Variants in CNTNAP5 observed in about 807,000 individuals in gnomAD.
The protein encoded by CNTNAP5 is contactin-associated protein-like 5.
In CNTNAP5, 72 loss-of-function variants were observed where a neutral mutation model predicts 150.2. The ratio of observed to expected loss-of-function variants is 0.48; its 90% confidence interval spans 0.40 to 0.58. The LOEUF (loss-of-function observed/expected upper bound fraction) is 0.58. CNTNAP5 is among the 20% of genes least tolerant of loss of function. The pLI is 0.00. For missense variants in CNTNAP5, 1,636 were observed against 1,626.2 expected (o/e 1.01, Z -0.10); for synonymous variants, 672 against 619.8 (o/e 1.08, Z -1.25).
At chr2:124,588,999 A>C (rs1696617776) in intron 11 of CNTNAP5, among the ~76,000 whole-genome samples, 1 of 152,024 alleles carries the variant, frequency 6.6e-6, no homozygotes, top group African/African-American at 2.4e-5. Context: ...ACAACATAAC[A>C]TCCCATCCTT....
intron 1 of CNTNAP5, among the ~76,000 whole-genome samples, chr2:124,167,493 C>T (rs920589882): frequency 9.9e-5 from 15 of 152,136 alleles, no homozygotes; most frequent in African/African-American, 3.6e-4. Flanking sequence ...GAAAAAAACA[C>T]TTTTCTCACT....
chr2:124,744,254 G>T (rs1050129550), intron 13 of CNTNAP5, among the ~76,000 whole-genome samples: 2 of 151,990 alleles, frequency 1.3e-5, no homozygotes, highest in East Asian at 1.9e-4. Context: ...TTTATAAGGG[G>T]TTTACCCTTT....
intron 6 of CNTNAP5, among the ~76,000 whole-genome samples, chr2:124,469,949 C>T (rs1016310554): frequency 5.3e-5 from 8 of 152,130 alleles, no homozygotes; most frequent in Non-Finnish European, 1.2e-4. Flanking sequence ...CGTATATGTA[C>T]CACATTTTCT....
At chr2:124,808,414 T>A (rs1573630786) in intron 19 of CNTNAP5, among the ~76,000 whole-genome samples, 1 of 151,794 alleles carries the variant, frequency 6.6e-6, no homozygotes, top group Non-Finnish European at 1.5e-5. Flanking sequence ...ATGGTGAAAC[T>A]CCGTCTCTAC....
intron 13 of CNTNAP5, among the ~76,000 whole-genome samples, chr2:124,650,648 G>C (rs1366221503): frequency 6.6e-6 from 1 of 152,154 alleles, no homozygotes; most frequent in Non-Finnish European, 1.5e-5. Flanking sequence ...TTTATCAGAT[G>C]AATCTGTGGT....
At chr2:124,129,023 C>T (rs1056132934) in intron 1 of CNTNAP5, among the ~76,000 whole-genome samples, 2 of 151,272 alleles carry the variant, frequency 1.3e-5, no homozygotes, top group Non-Finnish European at 2.9e-5. Context: ...AACAAACCTG[C>T]ACATTGTGCA....
chr2:124,728,416 C>A (rs1307577864), intron 13 of CNTNAP5, among the ~76,000 whole-genome samples: 5 of 152,066 alleles, frequency 3.3e-5, no homozygotes, highest in Admixed American at 3.3e-4. Context: ...TGATGCTAGG[C>A]TTTTCTTTAT....
At chr2:124,709,232 C>CGT (rs778269827) in intron 13 of CNTNAP5, among the ~76,000 whole-genome samples, 4,662 of 138,744 alleles carry the variant, frequency 0.034, 170 homozygotes, top group African/African-American at 0.089. Context: ...TGTGTGTGTG[C>CGT]GTGTGTGTGT....
At chr2:124,860,776 G>C (rs1030781436) in intron 19 of CNTNAP5, among the ~76,000 whole-genome samples, 1 of 151,908 alleles carries the variant, frequency 6.6e-6, no homozygotes, top group Non-Finnish European at 1.5e-5. Flanking sequence ...ATCAGTTATG[G>C]GCAGTTTACA....
At chr2:124,159,382 A>G (rs570701935) in intron 1 of CNTNAP5, among the ~76,000 whole-genome samples, 41 of 152,194 alleles carry the variant, frequency 2.7e-4, no homozygotes, top group Non-Finnish European at 5.6e-4. Flanking sequence ...CTGTTGTAAT[A>G]TCAGGAAAGC....
chr2:124,521,611 A>T (rs1241645098), intron 8 of CNTNAP5, among the ~76,000 whole-genome samples: 1 of 152,156 alleles, frequency 6.6e-6, no homozygotes, highest in East Asian at 1.9e-4. Context: ...CTCTATAAAT[A>T]CATTCTTCTC....
chr2:124,307,639 A>G (rs1227021864), intron 3 of CNTNAP5, among the ~76,000 whole-genome samples: 2 of 152,200 alleles, frequency 1.3e-5, no homozygotes, highest in African/African-American at 4.8e-5. Flanking sequence ...CCCCAGATTC[A>G]GAAAGTAGGA....
At chr2:124,361,378 A>C (rs1690192712) in intron 3 of CNTNAP5, among the ~76,000 whole-genome samples, 1 of 144,098 alleles carries the variant, frequency 6.9e-6, no homozygotes. Flanking sequence ...GGAGGAGGAG[A>C]GGAGCTCTGC....
At chr2:124,897,706 A>G (rs1473008958) in intron 21 of CNTNAP5, among the ~76,000 whole-genome samples, 1 of 151,240 alleles carries the variant, frequency 6.6e-6, no homozygotes, top group Non-Finnish European at 1.5e-5. Context: ...AGCATAATAG[A>G]AAAAAAAGGG....
intron 19 of CNTNAP5, among the ~76,000 whole-genome samples, chr2:124,801,959 A>G (rs1681977218): frequency 6.6e-6 from 1 of 152,164 alleles, no homozygotes; most frequent in African/African-American, 2.4e-5. Context: ...GATAAGATTG[A>G]TTCAAACCTC....
At chr2:124,448,047 T>G (rs1692867134) in intron 6 of CNTNAP5, among the ~76,000 whole-genome samples, 1 of 151,936 alleles carries the variant, frequency 6.6e-6, no homozygotes, top group Admixed American at 6.6e-5. Flanking sequence ...GACCAGCAGA[T>G]CACGAGGTCA....
At chr2:124,311,908 A>G (rs914720815) in intron 3 of CNTNAP5, among the ~76,000 whole-genome samples, 3 of 152,236 alleles carry the variant, frequency 2.0e-5, no homozygotes, top group African/African-American at 4.8e-5. Context: ...AGATATGATC[A>G]TACAAACTGG....
intron 3 of CNTNAP5, among the ~76,000 whole-genome samples, chr2:124,257,237 C>T (rs531310997): frequency 2.6e-5 from 4 of 152,244 alleles, no homozygotes; most frequent in African/African-American, 9.6e-5. Context: ...GTTATGGCAA[C>T]CATAGGAAAA....
chr2:124,577,507 A>G (rs1328453931), intron 11 of CNTNAP5, among the ~76,000 whole-genome samples: 2 of 152,164 alleles, frequency 1.3e-5, no homozygotes, highest in Non-Finnish European at 2.9e-5. Flanking sequence ...GCATGTATAA[A>G]TATCTATTCA....
Sources: allele counts gnomAD v4.1 joint callset (sites outside exome capture counted in the v4.1 genomes callset), GRCh38; gene constraint gnomAD v4.1.1; transcripts MANE v1.5; gene names NCBI Gene and HGNC (gene_info 2026-07-23, HGNC 2026-07-21).